Variants in SLC4A3 observed in about 807,000 individuals in gnomAD.
The protein encoded by SLC4A3 is anion exchange protein 3.
In SLC4A3, 47 loss-of-function variants were observed where a neutral mutation model predicts 114.2. The observed-to-expected ratio is 0.41, with a 90% CI of 0.33 to 0.52. SLC4A3 has a LOEUF of 0.52. SLC4A3 is among the 20% of genes least tolerant of loss of function. SLC4A3 has a pLI of 0.21. For synonymous variants in SLC4A3, 693 were observed against 710.3 expected, an observed-to-expected ratio of 0.98 and a Z score of 0.39; for missense variants, 1,312 against 1,668.3, an observed-to-expected ratio of 0.79 and a Z score of 3.72.
rs34369613 is a variant in SLC4A3 at position 219,632,061 on chromosome 2, C to T, written c.905C>T (p.Ala302Val). 22 of 1,613,738 alleles carry T rather than the reference C, an allele frequency of 1.4e-5. No individual in the cohort carries two copies. The highest frequency in any genetic ancestry group is 1.7e-5 in the Non-Finnish European group (20 of 1,179,954). Reference protein sequence around the residue: ...QGGRGSPSGLAPILRRKKKKK... With the variant: ...QGGRGSPSGLVPILRRKKKKK... ...GGGAGGGGCAGTCCCAGCGGCCTGG[C>T]CCCCATCCTTCGCAGGAAGAAGAAG... The change falls in exon 7 of 23, where the codon GCC becomes GTC. Residue 302 changes from alanine to valine, a missense_variant. This residue lies in a region of SLC4A3 where 771 missense variants were observed against 977.7 expected (regional missense o/e 0.79). Coordinates refer to ENST00000358055, the MANE Select transcript of SLC4A3 (RefSeq NM_005070.4).
Position 219,637,930 on chromosome 2 carries a change from C to T in SLC4A3, c.2766+119C>T. 1.2e-6 allele frequency: 1 copy of T among 805,026 alleles called. No homozygotes were observed. 49.9% of individuals were successfully genotyped at this position (805,026 alleles called of 1,614,324 possible). ...ATGGACCAAAACCCAGCTCGGGCAG[C>T]CCCTCACCCCTTCGGAAGCCTCTTC... On this transcript the variant is annotated intron_variant, in intron 17 of 22. Transcript: ENST00000358055. The surrounding 1 kb of genome is among the most constrained non-coding windows in gnomAD (Gnocchi z 4.6).
Position 219,636,541 on chromosome 2 carries a change from G to A in SLC4A3, c.2340+91G>A. On this transcript the variant is annotated intron_variant, in intron 15 of 22. Transcript: ENST00000358055. This position sits in a 1 kb window ranked among gnomAD's most constrained non-coding sequence, Gnocchi z 5.5. ...CCACACTCTTCCTTACCTACATCCT[G>A]CCCCACACTCTTCCTTACCTAGGGG... The A allele has an allele frequency of 6.7e-7, 1 of 1,494,370 alleles. No homozygotes were observed. The highest frequency in any genetic ancestry group is 1.3e-5 in the South Asian group (1 of 75,428). 92.6% of individuals were successfully genotyped at this position (1,494,370 alleles called of 1,614,324 possible). A position where few individuals can be genotyped will look rare whatever the true frequency, so the allele number is the denominator to read the frequency against.
Position 219,638,050 on chromosome 2 carries a change from G to A in SLC4A3, c.2767-114G>A. On this transcript the variant is annotated intron_variant, in intron 17 of 22. Coordinates refer to ENST00000358055, the MANE Select transcript of SLC4A3 (RefSeq NM_005070.4). The surrounding 1 kb of genome is among the most constrained non-coding windows in gnomAD (Gnocchi z 7.5). ...ACCTGTGGGGTTGAGAGGCACGTGG[G>A]GGGCCTTCTGGCTCCAGCTTGGACC... 2.3e-6 allele frequency: 2 copies of A among 871,540 alleles called. No individual in the cohort carries two copies. The highest frequency in any genetic ancestry group is 2.6e-5 in the East Asian group (1 of 37,802). The allele number at this position is 871,540 out of a possible 1,614,324, so 54.0% of individuals were successfully genotyped here.
chr2:219,636,546 A>C lies in SLC4A3; in HGVS notation c.2340+96A>C, dbSNP rs1036683332. The C allele has an allele frequency of 4.0e-6, 6 of 1,484,548 alleles. No individual in the cohort carries two copies. The highest frequency in any genetic ancestry group is 4.5e-6 in the Non-Finnish European group (5 of 1,109,442). 92.0% of individuals were successfully genotyped at this position (1,484,548 alleles called of 1,614,324 possible). A position where few individuals can be genotyped will look rare whatever the true frequency, so the allele number is the denominator to read the frequency against. On this transcript the variant is annotated intron_variant, in intron 15 of 22. Coordinates refer to ENST00000358055, the MANE Select transcript of SLC4A3 (RefSeq NM_005070.4). The surrounding 1 kb of genome is among the most constrained non-coding windows in gnomAD (Gnocchi z 5.5). Reference sequence around the variant, plus strand: ...CTCTTCCTTACCTACATCCTGCCCCACACTCTTCCTTACCTAGGGGATGGG... The same window carrying C: ...CTCTTCCTTACCTACATCCTGCCCCCCACTCTTCCTTACCTAGGGGATGGG...
rs1256237115 is a variant in SLC4A3, at chr2:219,635,505, C to T, written c.1972+9C>T. 1 of 1,595,462 alleles carries T rather than the reference C, an allele frequency of 6.3e-7. No homozygotes were observed. Among genetic ancestry groups the T allele is most frequent in the Middle Eastern group, 1.7e-4 (1 of 6,032 alleles). On this transcript the variant is annotated intron_variant, in intron 13 of 22. Transcript: ENST00000358055. ...CACGGCCCCTGGGAAAGGTCAGACCCTTGGAGGCTGAGTGCCCCCAATACA... is the reference window on the plus strand; with the variant it reads ...CACGGCCCCTGGGAAAGGTCAGACCTTTGGAGGCTGAGTGCCCCCAATACA...
Position 219,639,362 on chromosome 2 carries a change from C to G in SLC4A3, c.3024-120C>G. ...AACTTGAAAGAAGAAGCTGGCAGTC[C>G]TAGGGAGAACTGTTGTCTGCACGTC... On this transcript the variant is annotated intron_variant, in intron 19 of 22. Coordinates refer to ENST00000358055, the MANE Select transcript of SLC4A3 (RefSeq NM_005070.4). The surrounding 1 kb of genome is among the most constrained non-coding windows in gnomAD (Gnocchi z 5.9). 8.2e-7 allele frequency: 1 copy of G among 1,224,180 alleles called. No individual in the cohort carries two copies. Among genetic ancestry groups the G allele is most frequent in the South Asian group, 1.4e-5 (1 of 72,392 alleles). The allele number at this position is 1,224,180 out of a possible 1,614,324, so 75.8% of individuals were successfully genotyped here. A position where few individuals can be genotyped will look rare whatever the true frequency, so the allele number is the denominator to read the frequency against.
rs1318394687 is a variant in SLC4A3, at chr2:219,638,203, A to ATCCTGGTGATGG, written c.2815_2826dup (p.Met939_Val942dup). The ATCCTGGTGATGG allele has an allele frequency of 6.2e-7, 1 of 1,612,816 alleles. No individual in the cohort carries two copies. Among genetic ancestry groups the ATCCTGGTGATGG allele is most frequent in the Admixed American group, 1.7e-5 (1 of 59,902 alleles). ...CGGGGACTTTGGCATCCCCATCTCC[A>ATCCTGGTGATGG]TCCTGGTGATGGTCCTGGTGGATTA... On this transcript the variant is annotated inframe_insertion, in exon 18 of 23. Transcript: ENST00000358055. The surrounding 1 kb of genome is among the most constrained non-coding windows in gnomAD (Gnocchi z 7.5).
rs769078574 is a variant in SLC4A3 at position 219,632,014 on chromosome 2, A to G, written c.858A>G (p.Lys286=). ...DNPGVRRHLV[K]KPSRTQGGRG... is the part of the protein sequence containing the mutation. ...CTGGTGTGCGGCGACACTTAGTGAA[A>G]AAGCCCTCCCGGACGCAGGGCGGGA... Residue 286 remains lysine (K), a synonymous_variant, in exon 7 of 23, where the codon AAA becomes AAG. Coordinates refer to ENST00000358055, the MANE Select transcript of SLC4A3 (RefSeq NM_005070.4). 1 of 1,612,768 alleles carries G rather than the reference A, an allele frequency of 6.2e-7. No individual in the cohort carries two copies. Among genetic ancestry groups the G allele is most frequent in the Admixed American group, 1.7e-5 (1 of 59,730 alleles).
Position 219,628,062 on chromosome 2 carries a change from G to A in SLC4A3, c.51+19G>A. On this transcript the variant is annotated intron_variant, in intron 2 of 22. Transcript: ENST00000358055. The surrounding 1 kb of genome is among the most constrained non-coding windows in gnomAD (Gnocchi z 4.8). ...ACCCCAGGTGATCGGCGCGCGCGGG[G>A]GCGGGGGAGAGATGGGGGAGGAGAG... is the stretch of plus-strand genomic sequence containing the variant. The A allele has an allele frequency of 1.3e-6, 2 of 1,544,946 alleles. No homozygotes were observed. Among genetic ancestry groups the A allele is most frequent in the Middle Eastern group, 2.2e-4 (1 of 4,542 alleles).
At chr2:219,632,770 C>A in intron 8 of SLC4A3, 104 bp from the exon 9 acceptor site, 1 of 1,474,884 alleles carries the variant, frequency 6.8e-7, no homozygotes, top group Non-Finnish European at 9.3e-7. Flanking sequence ...GGGCGCTTTG[C>A]CCTTCCAGCA....
rs1238088834 is a variant in SLC4A3, at chr2:219,630,726, G to A, written c.811+374G>A. On this transcript the variant is annotated intron_variant, in intron 6 of 22. Transcript: ENST00000358055. The surrounding 1 kb of genome is among the most constrained non-coding windows in gnomAD (Gnocchi z 6.9). ...GGCCCTGAGTCTGAGCCATTGCTCC[G>A]GACCCCTGCCTCTCCCTGTGTCAGG... is the stretch of plus-strand genomic sequence containing the variant. Among the ~76,000 whole-genome samples the A allele has an allele frequency of 1.3e-5, 2 of 152,020 alleles. No individual in the cohort carries two copies. The highest frequency in any genetic ancestry group is 2.9e-5 in the Non-Finnish European group (2 of 67,978).
In SLC4A3 at chr2:219,629,195, C is replaced by T. The variant is rs540621427; in HGVS notation, c.269C>T (p.Pro90Leu). 1.2e-6 allele frequency: 2 copies of T among 1,611,904 alleles called. No homozygotes were observed. The highest frequency in any genetic ancestry group is 3.3e-5 in the Admixed American group (2 of 59,708). ...HTHHPLSARL[P>L]PPHKLRRLPP... ...CACCACCCGCTCTCAGCGCGCCTGC[C>T]TCCACCCCACAAGCTGCGGCGGCTG... is the stretch of plus-strand genomic sequence containing the variant. Residue 90 changes from proline to leucine, a missense_variant, in exon 4 of 23, where the codon CCT becomes CTT. Physicochemically the swap from Pro to Leu is moderately conservative, Grantham distance 98. This residue lies in a region of SLC4A3 where 236 missense variants were observed against 212.1 expected (regional missense o/e 1.11). Transcript: ENST00000358055.
In SLC4A3 at chr2:219,633,980, G is replaced by GT; in HGVS notation, c.1561+2dup. ...GCTGAGGCCACGGTTGTGCTTGTGGGTGAGGAGGGCCGGGCGCCGGGGGCA... is the reference window on the plus strand; with the variant it reads ...GCTGAGGCCACGGTTGTGCTTGTGGGTTGAGGAGGGCCGGGCGCCGGGGGCA... On this transcript the variant is annotated splice_donor_variant, in intron 11 of 22. Coordinates refer to ENST00000358055, the MANE Select transcript of SLC4A3 (RefSeq NM_005070.4). LOFTEE classifies it high-confidence loss of function. The GT allele has an allele frequency of 6.4e-7, 1 of 1,550,706 alleles. No homozygotes were observed. Among genetic ancestry groups the GT allele is most frequent in the Non-Finnish European group, 8.7e-7 (1 of 1,146,308 alleles).
intron 7 of SLC4A3, 72 bp downstream of exon 7, chr2:219,632,188 C>G: frequency 6.2e-7 from 1 of 1,608,128 alleles, no homozygotes; most frequent in South Asian, 1.1e-5. Context: ...TCTCTTTGCC[C>G]CCCTGCCTTG....
At position 219,632,042 on chromosome 2, in the gene SLC4A3, G is replaced by A. The variant is rs1191772175; in HGVS notation, c.886G>A (p.Gly296Ser). Reference protein sequence around the residue: ...KKPSRTQGGRGSPSGLAPILR... With the variant: ...KKPSRTQGGRSSPSGLAPILR... ...GCCCTCCCGGACGCAGGGCGGGAGG[G>A]GCAGTCCCAGCGGCCTGGCCCCCAT... The change falls in exon 7 of 23, where the codon GGC (glycine) becomes AGC (serine). Residue 296 changes from glycine (G) to serine (S), a missense_variant. Gly to Ser is a moderately conservative substitution (Grantham distance 56). Transcript: ENST00000358055. The A allele has an allele frequency of 1.9e-6, 3 of 1,613,918 alleles. No individual in the cohort carries two copies. The East Asian group carries it at 6.7e-5, about 36-fold the overall frequency.
In SLC4A3 at chr2:219,635,279, T is replaced by C. The variant is rs765541151; in HGVS notation, c.1755T>C (p.His585=). The C allele has an allele frequency of 1.3e-5, 21 of 1,613,682 alleles. No individual in the cohort carries two copies. The highest frequency in any genetic ancestry group is 9.3e-5 in the African/African-American group (7 of 74,882). The change falls in exon 13 of 23, where the codon CAT becomes CAC. Residue 585 remains histidine, a synonymous_variant. Transcript: ENST00000358055. ...CCTCTCATTGCCCCCAGCTGTTTCATGAGGCTGCCTACCAGGCAGATGACC... is the reference window on the plus strand; with the variant it reads ...CCTCTCATTGCCCCCAGCTGTTTCACGAGGCTGCCTACCAGGCAGATGACC... ...IATLMSDKLF[H]EAAYQADDRQ...
At position 219,639,598 on chromosome 2, in the gene SLC4A3, C is replaced by T. The variant is rs773479040; in HGVS notation, c.3140C>T (p.Thr1047Met). The change falls in exon 20 of 23, where the codon ACG becomes ATG. Residue 1047 changes from threonine to methionine, a missense_variant. Transcript: ENST00000358055. The surrounding 1 kb of genome is among the most constrained non-coding windows in gnomAD (Gnocchi z 5.9). ...LCGLFGLPWL[T>M]AATVRSVTHV... ...GGGCTGTTTGGGTTGCCCTGGCTCA[C>T]GGCTGCCACGGTCCGCTCCGTCACC... The T allele has an allele frequency of 1.2e-5, 19 of 1,614,022 alleles. No individual in the cohort carries two copies. The highest frequency in any genetic ancestry group is 1.1e-4 in the South Asian group (10 of 91,084).
rs146015195 is a variant in SLC4A3, at chr2:219,638,102, C to T, written c.2767-62C>T. 1.0e-4 allele frequency: 136 copies of T among 1,337,246 alleles called. No homozygotes were observed. Among genetic ancestry groups the T allele is most frequent in the Middle Eastern group, 5.4e-4 (3 of 5,588 alleles). The allele number at this position is 1,337,246 out of a possible 1,614,324, so 82.8% of individuals were successfully genotyped here. On this transcript the variant is annotated intron_variant, in intron 17 of 22. Coordinates refer to ENST00000358055, the MANE Select transcript of SLC4A3 (RefSeq NM_005070.4). This position sits in a 1 kb window ranked among gnomAD's most constrained non-coding sequence, Gnocchi z 7.5. ...AGGCAGGGCCAGAGATGGCAAGCCC[C>T]GTGTTAGTCTGCTGACCTTGCCTCC...
In SLC4A3 at chr2:219,636,259, T is replaced by C. The variant is rs373600280; in HGVS notation, c.2192-43T>C. 15 of 1,609,578 alleles carry C rather than the reference T, an allele frequency of 9.3e-6. No individual in the cohort carries two copies. Among genetic ancestry groups the C allele is most frequent in the Non-Finnish European group, 1.3e-5 (15 of 1,179,102 alleles). ...CAAGCTAGATGAAGAAGGGGGCAGA[T>C]AGACAGAGCCAGGCTAGGGCCATCC... is the stretch of plus-strand genomic sequence containing the variant. On this transcript the variant is annotated intron_variant, in intron 14 of 22. Transcript: ENST00000358055. The surrounding 1 kb of genome is among the most constrained non-coding windows in gnomAD (Gnocchi z 5.5).
Sources: gnomAD v4.1 joint callset for allele counts (sites outside exome capture counted in the v4.1 genomes callset) on GRCh38, gnomAD v4.1.1 for gene constraint, gnomAD v4.1.1 regional missense constraint, Gnocchi (gnomAD v3.1) non-coding constraint, MANE v1.5 for transcripts, NCBI Gene and HGNC (gene_info 2026-07-23, HGNC 2026-07-21) for gene names.